The following JPH3 variants were observed in gnomAD, a reference collection of about 807,000 sequenced individuals.
JPH3 encodes junctophilin 3.
JPH3 carries 11 observed loss-of-function variants against 59.6 expected under a neutral mutation model. The ratio of observed to expected loss-of-function variants is 0.18; its 90% CI spans 0.12 to 0.31. The LOEUF is 0.31. Among genes scored for constraint, JPH3 ranks in the 10% least tolerant of loss-of-function variants. The pLI, the probability that JPH3 is intolerant of heterozygous loss-of-function variation, is 1.00. For missense variants in JPH3, 1,202 were observed against 1,105.7 expected, an observed-to-expected ratio of 1.09 and a Z score of -1.24; for synonymous variants, 673 against 483.6, an observed-to-expected ratio of 1.39 and a Z score of -5.14.
intron 2 of JPH3, among the ~76,000 whole-genome samples, chr16:87,656,052 C>G (rs1283185774): frequency 6.6e-6 from 1 of 152,248 alleles, no homozygotes; most frequent in Non-Finnish European, 1.5e-5. Flanking sequence ...TATTGGCAAG[C>G]TGCACCCCTT....
intron 2 of JPH3, among the ~76,000 whole-genome samples, chr16:87,680,195 G>A (rs975013520): frequency 3.3e-5 from 5 of 152,250 alleles, no homozygotes; most frequent in South Asian, 2.1e-4. Flanking sequence ...TTCCTCTGGC[G>A]GAGGGAGGCA....
intron 2 of JPH3, among the ~76,000 whole-genome samples, chr16:87,656,483 G>A (rs2032506038): frequency 6.6e-6 from 1 of 152,350 alleles, no homozygotes; most frequent in Admixed American, 6.5e-5. Context: ...GCAACGACGG[G>A]ATCAGATTAC....
At chr16:87,636,489 A>T (rs544672559) in intron 1 of JPH3, among the ~76,000 whole-genome samples, 70 of 152,288 alleles carry the variant, frequency 4.6e-4, no homozygotes, top group African/African-American at 1.6e-3. Context: ...GAGAGGAGCA[A>T]CTGCGGCGAG....
At chr16:87,652,904 C>A (rs2032370628) in intron 2 of JPH3, among the ~76,000 whole-genome samples, 1 of 152,244 alleles carries the variant, frequency 6.6e-6, no homozygotes, top group South Asian at 2.1e-4. Context: ...GCACCCACTA[C>A]AGACACAGCT....
intron 2 of JPH3, among the ~76,000 whole-genome samples, chr16:87,678,666 T>C (rs541942732): frequency 6.6e-6 from 1 of 152,118 alleles, no homozygotes; most frequent in Non-Finnish European, 1.5e-5. Flanking sequence ...TCCAACTTCT[T>C]GGAATAAGGG....
intron 2 of JPH3, among the ~76,000 whole-genome samples, chr16:87,668,422 C>A (rs184932062): frequency 1.3e-5 from 2 of 152,202 alleles, no homozygotes; most frequent in African/African-American, 4.8e-5. Flanking sequence ...GCCCTACTCA[C>A]GGGAACTTGG....
chr16:87,647,671 G>T (rs990457482), intron 2 of JPH3, among the ~76,000 whole-genome samples: 7 of 152,130 alleles, frequency 4.6e-5, no homozygotes, highest in African/African-American at 1.4e-4. Flanking sequence ...TGGCTCACCC[G>T]CCATGTCCTG....
At chr16:87,660,002 T>C (rs2032648878) in intron 2 of JPH3, among the ~76,000 whole-genome samples, 1 of 152,098 alleles carries the variant, frequency 6.6e-6, no homozygotes, top group Non-Finnish European at 1.5e-5. Flanking sequence ...GGGATTCCTT[T>C]CCTTGTCCCT....
intron 2 of JPH3, among the ~76,000 whole-genome samples, chr16:87,670,640 C>A (rs376127311): frequency 4.6e-5 from 7 of 152,244 alleles, no homozygotes; most frequent in African/African-American, 1.7e-4. Context: ...CCACACACTG[C>A]GGATGGGACG....
intron 1 of JPH3, among the ~76,000 whole-genome samples, chr16:87,634,680 G>A (rs2031675639): frequency 6.6e-6 from 1 of 152,226 alleles, no homozygotes; most frequent in South Asian, 2.1e-4. Context: ...CCACCCATGG[G>A]AAACGGGCCC....
intron 1 of JPH3, among the ~76,000 whole-genome samples, chr16:87,618,028 G>A (rs150538258): frequency 4.4e-4 from 67 of 152,188 alleles, no homozygotes; most frequent in Middle Eastern, 6.8e-3. Flanking sequence ...CTGGGGCATG[G>A]CAGCCTGCGC....
intron 1 of JPH3, chr16:87,604,337 G>C: frequency 7.3e-7 from 1 of 1,372,864 alleles, no homozygotes; most frequent in Non-Finnish European, 9.6e-7. Flanking sequence ...CTGTAAGATG[G>C]TTTCTGTGCA....
chr16:87,689,523 C>T (rs941654980), intron 3 of JPH3, 123 bp from the exon 4 acceptor site: 6 of 1,050,518 alleles, frequency 5.7e-6, no homozygotes, highest in South Asian at 1.5e-5. Flanking sequence ...TGCAGCCTTT[C>T]GGTGAGTGGG....
chr16:87,610,218 C>G (rs2030680823), intron 1 of JPH3, among the ~76,000 whole-genome samples: 1 of 152,190 alleles, frequency 6.6e-6, no homozygotes. Context: ...CACTTGCTTG[C>G]TTACTCACTC....
At chr16:87,618,634 T>TTTC (rs769955851) in intron 1 of JPH3, among the ~76,000 whole-genome samples, 16 of 152,182 alleles carry the variant, frequency 1.1e-4, no homozygotes, top group Non-Finnish European at 2.1e-4. Context: ...GGCTCTGGTG[T>TTTC]TTCTGCGTCC....
intron 1 of JPH3, among the ~76,000 whole-genome samples, chr16:87,631,176 C>T (rs946302601): frequency 5.3e-5 from 8 of 152,192 alleles, no homozygotes; most frequent in Non-Finnish European, 7.3e-5. Flanking sequence ...TGATTGCCTT[C>T]TTCCCAATTC....
At chr16:87,617,480 T>C (rs1440367042) in intron 1 of JPH3, among the ~76,000 whole-genome samples, 1 of 151,444 alleles carries the variant, frequency 6.6e-6, no homozygotes, top group Non-Finnish European at 1.5e-5. Context: ...CGTGTGGAAG[T>C]TGTATGGCTG....
chr16:87,691,559 C>G (rs548037826), intron 4 of JPH3, among the ~76,000 whole-genome samples: 67 of 152,188 alleles, frequency 4.4e-4, no homozygotes, highest in Non-Finnish European at 6.9e-4. Context: ...CGGTGTCTGT[C>G]CCTGCCCCTG....
intron 4 of JPH3, among the ~76,000 whole-genome samples, chr16:87,692,980 C>T (rs2033642733): frequency 6.6e-6 from 1 of 152,222 alleles, no homozygotes; most frequent in South Asian, 2.1e-4. Flanking sequence ...GGGAACTTTG[C>T]ACCAGGGGTG....
Sources: allele counts gnomAD v4.1 joint callset (sites outside exome capture counted in the v4.1 genomes callset), GRCh38; gene constraint gnomAD v4.1.1; transcripts MANE v1.5; gene names NCBI Gene and HGNC (gene_info 2026-07-23, HGNC 2026-07-21).